Variants in SLC9A7 observed in about 807,000 individuals in gnomAD.
SLC9A7 encodes solute carrier family 9 member A7.
Under a neutral mutation model 52.6 loss-of-function variants are expected in SLC9A7, and 19 were observed. The observed-to-expected ratio is 0.36, with a 90% CI of 0.25 to 0.53. SLC9A7 has a LOEUF of 0.53. Ranked by LOEUF, SLC9A7 falls within the 20% of genes least tolerant of loss-of-function variation. The probability of loss-of-function intolerance (pLI) is 0.91; values close to 1 mark genes in which losing one functional copy is unlikely to be tolerated. For missense variants in SLC9A7, 455 were observed against 597.9 expected (o/e 0.76, Z 2.49); for synonymous variants, 226 against 252.1 (o/e 0.90, Z 0.98).
intron 15 of SLC9A7, among the ~76,000 whole-genome samples, chrX:46,614,473 A>T (rs1942911277): frequency 8.9e-6 from 1 of 112,110 alleles, no homozygotes; most frequent in South Asian, 3.7e-4. Flanking sequence ...TAAAGTTGAA[A>T]GATCCTAAGT....
At chrX:46,643,133 A>G in intron 12 of SLC9A7, 103 bp downstream of exon 12, 1 of 776,543 alleles carries the variant, frequency 1.3e-6, no homozygotes. Context: ...AAAGACTGTA[A>G]AAGGTTTCCA....
At chrX:46,697,309 A>G (rs143920419) in intron 1 of SLC9A7, among the ~76,000 whole-genome samples, 29 of 112,026 alleles carry the variant, frequency 2.6e-4, no homozygotes, top group African/African-American at 7.8e-4. Flanking sequence ...AGTAGCTTTT[A>G]AGTGTTCTCA....
chrX:46,746,909 G>A (rs1051141023), intron 1 of SLC9A7, among the ~76,000 whole-genome samples: 16 of 112,285 alleles, frequency 1.4e-4, no homozygotes, highest in Non-Finnish European at 5.6e-5. Flanking sequence ...ATTAATGGAC[G>A]AATGAATAAA....
chrX:46,692,897 C>T (rs1186010190), intron 1 of SLC9A7, among the ~76,000 whole-genome samples: 1 of 110,577 alleles, frequency 9.0e-6, no homozygotes, highest in Non-Finnish European at 1.9e-5. Flanking sequence ...AGCTTCTGCC[C>T]ACTGGTCTCA....
chrX:46,649,721 T>C (rs1943552096), intron 10 of SLC9A7, among the ~76,000 whole-genome samples: 1 of 112,612 alleles, frequency 8.9e-6, no homozygotes, highest in Non-Finnish European at 1.9e-5. Context: ...GGTAAAGCAC[T>C]GCCTGTTTTT....
intron 14 of SLC9A7, among the ~76,000 whole-genome samples, chrX:46,628,922 G>A (rs183652093): frequency 5.9e-4 from 66 of 112,748 alleles, no homozygotes; most frequent in African/African-American, 2.1e-3. Context: ...ACTAGAATGA[G>A]GAGGTCAGAC....
chrX:46,601,282 C>T lies in SLC9A7; in HGVS notation c.*5670G>A, dbSNP rs1305940905. ...GCTCTAACACCCTGCCACTGTTTTT[C>T]CCCCTAAGTGCATCAGTGGTGTTTC... is the stretch of plus-strand genomic sequence containing the variant. On this transcript the variant is annotated 3_prime_UTR_variant, in exon 17 of 17. Coordinates refer to ENST00000616978, the MANE Select transcript of SLC9A7 (RefSeq NM_001257291.2). 3.6e-5 allele frequency: 4 copies of T among 112,140 alleles called. No homozygotes were observed. The highest frequency in any genetic ancestry group is 3.7e-4 in the South Asian group (1 of 2,707). The allele number at this position is 112,140 out of a possible 1,213,427, so 9.2% of individuals were successfully genotyped here.
intron 7 of SLC9A7, among the ~76,000 whole-genome samples, chrX:46,658,918 C>A (rs1354920169): frequency 1.8e-5 from 2 of 110,506 alleles, no homozygotes; most frequent in East Asian, 2.8e-4. Flanking sequence ...GAGACACAAC[C>A]AAAAAAGAGA....
intron 1 of SLC9A7, among the ~76,000 whole-genome samples, chrX:46,755,749 G>A (rs1922608990): frequency 9.3e-6 from 1 of 107,890 alleles, no homozygotes; most frequent in Non-Finnish European, 1.9e-5. Flanking sequence ...TTGAATCCGG[G>A]AGGTGGAGTT....
intron 14 of SLC9A7, among the ~76,000 whole-genome samples, chrX:46,631,196 G>C (rs1478809286): frequency 8.9e-6 from 1 of 112,586 alleles, no homozygotes; most frequent in Non-Finnish European, 1.9e-5. Flanking sequence ...TCAGGCACCT[G>C]ATGTCTCTCC....
intron 1 of SLC9A7, among the ~76,000 whole-genome samples, chrX:46,706,600 C>T (rs2146927515): frequency 9.2e-6 from 1 of 108,127 alleles, no homozygotes; most frequent in South Asian, 4.2e-4. Flanking sequence ...TCTGACACCT[C>T]TAACTCAACA....
chrX:46,616,814 G>A (rs917837388), intron 15 of SLC9A7, among the ~76,000 whole-genome samples: 1 of 111,442 alleles, frequency 9.0e-6, no homozygotes, highest in Non-Finnish European at 1.9e-5. Flanking sequence ...TTTTGTCGAT[G>A]AGAAGTCTGA....
At chrX:46,655,484 C>T (rs1943663579) in intron 7 of SLC9A7, among the ~76,000 whole-genome samples, 2 of 111,698 alleles carry the variant, frequency 1.8e-5, no homozygotes, top group Non-Finnish European at 3.8e-5. Context: ...TAGGGAGTGC[C>T]AGACATTGGG....
chrX:46,759,041 C>T lies in SLC9A7; in HGVS notation c.-12G>A. On this transcript the variant is annotated 5_prime_UTR_variant, in exon 1 of 17. Coordinates refer to ENST00000616978, the MANE Select transcript of SLC9A7 (RefSeq NM_001257291.2). ...TCACCAGGCTCCATGGTCCCGGGGC[C>T]CCCCGCGCCTCCTCCGAGCGGGGAC... The T allele has an allele frequency of 1.1e-6, 1 of 918,460 alleles. No homozygotes were observed. Among genetic ancestry groups the T allele is most frequent in the African/African-American group, 2.1e-5 (1 of 48,027 alleles). The allele number at this position is 918,460 out of a possible 1,213,427, so 75.7% of individuals were successfully genotyped here.
Position 46,599,557 on chromosome X carries a change from A to G in SLC9A7, c.*7395T>C, listed in dbSNP as rs1413728587. The G allele has an allele frequency of 8.9e-6, 1 of 112,240 alleles. No individual in the cohort carries two copies. Among genetic ancestry groups the G allele is most frequent in the East Asian group, 2.8e-4 (1 of 3,627 alleles). 9.2% of individuals were successfully genotyped at this position (112,240 alleles called of 1,213,427 possible). A position where few individuals can be genotyped will look rare whatever the true frequency, so the allele number is the denominator to read the frequency against. On this transcript the variant is annotated 3_prime_UTR_variant, in exon 17 of 17. Transcript: ENST00000616978. ...AATGTGTTAAATATCAGTAAAGGGC[A>G]GGAACACACATGGCTAGCTTTACAA...
chrX:46,680,831 CA>C (rs1286839161), intron 2 of SLC9A7, among the ~76,000 whole-genome samples: 1 of 112,191 alleles, frequency 8.9e-6, no homozygotes, highest in Non-Finnish European at 1.9e-5. Context: ...AGGTGTTAAT[CA>C]GCCTAATAAA....
At chrX:46,668,868 T>C (rs763070003) in intron 5 of SLC9A7, among the ~76,000 whole-genome samples, 8 of 111,248 alleles carry the variant, frequency 7.2e-5, no homozygotes, top group Non-Finnish European at 1.3e-4. Context: ...AACTATACAC[T>C]TAGAAATTGT....
At chrX:46,723,024 C>T (rs1252884285) in intron 1 of SLC9A7, among the ~76,000 whole-genome samples, 2 of 110,984 alleles carry the variant, frequency 1.8e-5, no homozygotes, top group African/African-American at 6.6e-5. Context: ...GCATTAGGCT[C>T]CTTACAATGC....
At chrX:46,651,906 T>C (rs1943590622) in intron 8 of SLC9A7, among the ~76,000 whole-genome samples, 1 of 107,783 alleles carries the variant, frequency 9.3e-6, no homozygotes, top group African/African-American at 3.4e-5. Context: ...CTACAACCCC[T>C]CACCTCTCAA....
Sources: allele counts gnomAD v4.1 joint callset (sites outside exome capture counted in the v4.1 genomes callset), GRCh38; gene constraint gnomAD v4.1.1; transcripts MANE v1.5; gene names NCBI Gene and HGNC (gene_info 2026-07-23, HGNC 2026-07-21).